ADGRA2: variants seen among roughly 807,000 people sequenced by gnomAD.
ADGRA2 encodes the protein adhesion G protein-coupled receptor A2, also known as G-protein coupled receptor 124.
Under a neutral mutation model 98.7 loss-of-function variants are expected in ADGRA2, and 61 were observed. The observed-to-expected ratio is 0.62, with a 90% CI of 0.50 to 0.76. The LOEUF (loss-of-function observed/expected upper bound fraction) is 0.76, where lower values mean the gene tolerates loss of function less well. Ranked by LOEUF, ADGRA2 falls within the 30% of genes least tolerant of loss-of-function variation. ADGRA2 has a pLI of 0.00. For synonymous variants in ADGRA2, 858 were observed against 831.5 expected (o/e 1.03, Z -0.55); for missense variants, 1,712 against 1,860.0 (o/e 0.92, Z 1.46).
At position 37,830,669 on chromosome 8, in the gene ADGRA2, C is replaced by G; in HGVS notation, c.719-41C>G. On this transcript the variant is annotated intron_variant, in intron 6 of 18. Coordinates refer to ENST00000412232, the MANE Select transcript of ADGRA2 (RefSeq NM_032777.10). This position sits in a 1 kb window ranked among gnomAD's most constrained non-coding sequence, Gnocchi z 4.8. ...TCGCTCACACGTGCAGCCTCACATG[C>G]GTGTGCACTCGGGCCTCACGCCTGG... The G allele has an allele frequency of 1.8e-6, 2 of 1,129,094 alleles. No individual in the cohort carries two copies. The highest frequency in any genetic ancestry group is 1.2e-6 in the Non-Finnish European group (1 of 809,570). The allele number at this position is 1,129,094 out of a possible 1,614,324, so 69.9% of individuals were successfully genotyped here.
In ADGRA2 at chr8:37,830,979, T is replaced by C. The variant is rs2130013978; in HGVS notation, c.932+56T>C. On this transcript the variant is annotated intron_variant, in intron 7 of 18. Coordinates refer to ENST00000412232, the MANE Select transcript of ADGRA2 (RefSeq NM_032777.10). This position sits in a 1 kb window ranked among gnomAD's most constrained non-coding sequence, Gnocchi z 4.8. ...CAGCATGGGGTTAGGGGACCTACCC[T>C]ACCCGTCACCACCCCGCAAAAGAGC... The C allele has an allele frequency of 2.3e-6, 3 of 1,313,838 alleles. No homozygotes were observed. The highest frequency in any genetic ancestry group is 1.5e-5 in the African/African-American group (1 of 68,866). 81.4% of individuals were successfully genotyped at this position (1,313,838 alleles called of 1,614,324 possible).
chr8:37,839,366 G>A, intron 15 of ADGRA2, 133 bp from the exon 16 acceptor site: 23 of 1,475,296 alleles, frequency 1.6e-5, no homozygotes, highest in Non-Finnish European at 2.0e-5. Context: ...CTACCCTATG[G>A]CCTCTGTCAC....
chr8:37,823,908 T>C (rs12676965), intron 2 of ADGRA2, among the ~76,000 whole-genome samples: 22,627 of 152,252 alleles, frequency 0.15, 2,038 homozygotes, highest in Middle Eastern at 0.32. Flanking sequence ...TATTTGTCTT[T>C]CTGCTATTGA....
intron 14 of ADGRA2, among the ~76,000 whole-genome samples, chr8:37,838,380 T>C (rs1328044146): frequency 1.3e-5 from 2 of 151,808 alleles, no homozygotes; most frequent in South Asian, 2.1e-4. Context: ...GCCTCCCAAG[T>C]AGCTGGGATT....
At chr8:37,806,253 C>T (rs1239647784) in intron 1 of ADGRA2, among the ~76,000 whole-genome samples, 2 of 152,208 alleles carry the variant, frequency 1.3e-5, no homozygotes, top group African/African-American at 4.8e-5. Flanking sequence ...TAGCCTGTTA[C>T]ACAAGGCTGA....
At chr8:37,829,179 T>C (rs930250929) in intron 3 of ADGRA2, 82 bp from the exon 4 acceptor site, 27 of 1,023,058 alleles carry the variant, frequency 2.6e-5, no homozygotes, top group Non-Finnish European at 3.7e-5. Flanking sequence ...ACACAAGCCC[T>C]GGCCCCACCC....
chr8:37,806,902 C>T (rs1434020371), intron 1 of ADGRA2, among the ~76,000 whole-genome samples: 1 of 152,182 alleles, frequency 6.6e-6, no homozygotes, highest in Non-Finnish European at 1.5e-5. Flanking sequence ...CATCCAAGCC[C>T]CAGTTTCTTG....
chr8:37,836,085 A>T (rs1419809258), intron 13 of ADGRA2, among the ~76,000 whole-genome samples: 1 of 123,976 alleles, frequency 8.1e-6, no homozygotes, highest in Admixed American at 8.9e-5. Context: ...ACACACACAC[A>T]CACACACACA....
At chr8:37,818,706 C>T (rs781261022) in intron 2 of ADGRA2, among the ~76,000 whole-genome samples, 47 of 152,236 alleles carry the variant, frequency 3.1e-4, no homozygotes, top group Non-Finnish European at 5.6e-4. Context: ...CCTGCCCTCC[C>T]GGCCCTTACC....
intron 17 of ADGRA2, 102 bp from the exon 18 acceptor site, chr8:37,840,658 G>A: frequency 1.4e-6 from 1 of 722,462 alleles, no homozygotes; most frequent in Non-Finnish European, 2.5e-6. Flanking sequence ...ATTTAAAGGG[G>A]AAAGAGGATG....
chr8:37,799,169 G>T (rs1402504656), intron 1 of ADGRA2, among the ~76,000 whole-genome samples: 1 of 152,184 alleles, frequency 6.6e-6, no homozygotes, highest in Non-Finnish European at 1.5e-5. Context: ...GAGGTCAGGA[G>T]TTCGAGACCA....
At position 37,837,855 on chromosome 8, in the gene ADGRA2, C is replaced by T. The variant is rs1805665007; in HGVS notation, c.2175C>T (p.Thr725=). 1 of 1,508,614 alleles carries T rather than the reference C, an allele frequency of 6.6e-7. No individual in the cohort carries two copies. The highest frequency in any genetic ancestry group is 2.5e-5 in the East Asian group (1 of 40,734). The allele number at this position is 1,508,614 out of a possible 1,614,324, so 93.5% of individuals were successfully genotyped here. ...QEGPGEAGGW[T]SEGCQLRSSQ... Reference sequence around the variant, plus strand: ...GGCCCGGGGAGGCTGGGGGCTGGACCTCGGAGGGCTGCCAGCTCCGCTCCA... The same window carrying T: ...GGCCCGGGGAGGCTGGGGGCTGGACTTCGGAGGGCTGCCAGCTCCGCTCCA... Residue 725 remains threonine (T), a synonymous_variant, in exon 14 of 19, where the codon ACC becomes ACT. Coordinates refer to ENST00000412232, the MANE Select transcript of ADGRA2 (RefSeq NM_032777.10).
At chr8:37,820,941 G>T (rs1454614975) in intron 2 of ADGRA2, among the ~76,000 whole-genome samples, 3 of 149,716 alleles carry the variant, frequency 2.0e-5, no homozygotes, top group African/African-American at 5.1e-5. Context: ...GGGTGGAGAT[G>T]GGGGGGCACA....
intron 14 of ADGRA2, among the ~76,000 whole-genome samples, chr8:37,838,250 A>AT (rs11335728): frequency 5.9e-4 from 77 of 129,730 alleles, no homozygotes; most frequent in Middle Eastern, 4.0e-3. Flanking sequence ...CTGAGACCAG[A>AT]TTTTTTTTTT....
intron 1 of ADGRA2, among the ~76,000 whole-genome samples, chr8:37,810,445 G>T (rs1399775543): frequency 6.6e-6 from 1 of 151,732 alleles, no homozygotes; most frequent in East Asian, 2.0e-4. Context: ...GGAGGCGGAG[G>T]TTGCAGTGAG....
intron 3 of ADGRA2, 56 bp from the exon 4 acceptor site, chr8:37,829,205 G>T: frequency 1.5e-6 from 2 of 1,327,144 alleles, no homozygotes; most frequent in Non-Finnish European, 2.2e-6. Flanking sequence ...TTCCTCACAA[G>T]TGGACCCACG....
At chr8:37,815,349 C>T (rs533830233) in intron 2 of ADGRA2, among the ~76,000 whole-genome samples, 3 of 152,372 alleles carry the variant, frequency 2.0e-5, no homozygotes, top group South Asian at 2.1e-4. Context: ...GGCCCTTTTC[C>T]GCCTTTCCTA....
intron 15 of ADGRA2, 84 bp downstream of exon 15, chr8:37,839,167 G>A: frequency 6.5e-7 from 1 of 1,537,874 alleles, no homozygotes; most frequent in Non-Finnish European, 9.0e-7. Context: ...CTATGCTCCG[G>A]TACATACTTT....
rs1805904706 is a variant in ADGRA2 at position 37,844,264 on chromosome 8, A to G, written c.*1909A>G. 5.3e-6 allele frequency: 3 copies of G among 569,044 alleles called. No individual in the cohort carries two copies. In the South Asian group the frequency reaches 7.4e-5, roughly 14 times the overall value. The allele number at this position is 569,044 out of a possible 1,614,324, so 35.2% of individuals were successfully genotyped here. A position where few individuals can be genotyped will look rare whatever the true frequency, so the allele number is the denominator to read the frequency against. On this transcript the variant is annotated 3_prime_UTR_variant, in exon 19 of 19. Coordinates refer to ENST00000412232, the MANE Select transcript of ADGRA2 (RefSeq NM_032777.10). ...CATCTCACAGAACATGGACATAGGC[A>G]ACTTGCTCTCCCACACCAAGGGATG...
Sources: gnomAD v4.1 joint callset for allele counts (sites outside exome capture counted in the v4.1 genomes callset) on GRCh38, gnomAD v4.1.1 for gene constraint, Gnocchi (gnomAD v3.1) non-coding constraint, MANE v1.5 for transcripts, NCBI Gene and HGNC (gene_info 2026-07-23, HGNC 2026-07-21) for gene names.